The following KCNT2 variants were observed in gnomAD, a reference collection of about 807,000 sequenced individuals.
KCNT2 encodes potassium channel subfamily T member 2.
KCNT2 carries 67 observed loss-of-function variants against 153.8 expected under a neutral mutation model. That is an observed-to-expected ratio of 0.44 (90% CI 0.36 to 0.53). The LOEUF (loss-of-function observed/expected upper bound fraction) is 0.53. KCNT2 is among the 20% of genes least tolerant of loss of function. KCNT2 has a pLI of 0.00. For missense variants in KCNT2, 975 were observed against 1,354.8 expected (o/e 0.72, Z 4.40); for synonymous variants, 500 against 458.8 (o/e 1.09, Z -1.15).
intron 20 of KCNT2, among the ~76,000 whole-genome samples, chr1:196,318,598 T>C (rs892204697): frequency 2.0e-5 from 3 of 151,944 alleles, no homozygotes; most frequent in African/African-American, 7.2e-5. Flanking sequence ...AAAACATGTG[T>C]AGAATTTAAA....
At chr1:196,266,365 G>C (rs1478287784) in intron 25 of KCNT2, among the ~76,000 whole-genome samples, 1 of 152,074 alleles carries the variant, frequency 6.6e-6, no homozygotes. Flanking sequence ...CTCTTATGGA[G>C]GTGATTATCA....
intron 8 of KCNT2, among the ~76,000 whole-genome samples, chr1:196,463,907 T>C (rs1677377331): frequency 6.6e-6 from 1 of 151,782 alleles, no homozygotes; most frequent in African/African-American, 2.4e-5. Context: ...CTAAATGTCA[T>C]CATGTAAAAA....
At chr1:196,274,659 C>A (rs1393988625) in intron 25 of KCNT2, among the ~76,000 whole-genome samples, 3 of 151,802 alleles carry the variant, frequency 2.0e-5, no homozygotes, top group Admixed American at 6.6e-5. Context: ...CCACTATGCA[C>A]ATTTTTGGAA....
chr1:196,589,456 T>C (rs1184554186), intron 1 of KCNT2, among the ~76,000 whole-genome samples: 1 of 152,136 alleles, frequency 6.6e-6, no homozygotes, highest in African/African-American at 2.4e-5. Flanking sequence ...ATAAAATTAT[T>C]TGAATAGTTT....
intron 13 of KCNT2, among the ~76,000 whole-genome samples, chr1:196,380,129 G>A (rs755500358): frequency 7.2e-5 from 11 of 152,180 alleles, no homozygotes; most frequent in African/African-American, 2.7e-4. Context: ...GTGTATGCCT[G>A]TATGTGTGTC....
intron 1 of KCNT2, among the ~76,000 whole-genome samples, chr1:196,598,350 T>A (rs1286967758): frequency 1.3e-5 from 2 of 152,158 alleles, no homozygotes; most frequent in African/African-American, 4.8e-5. Flanking sequence ...TCAATAATAA[T>A]CTATACCCCC....
chr1:196,308,929 A>C (rs530440639), intron 21 of KCNT2, among the ~76,000 whole-genome samples: 3 of 152,150 alleles, frequency 2.0e-5, no homozygotes, highest in Admixed American at 6.6e-5. Context: ...ATAATTATCA[A>C]GTTTTTACTA....
chr1:196,456,814 G>T (rs1301092968), intron 8 of KCNT2, among the ~76,000 whole-genome samples: 3 of 151,910 alleles, frequency 2.0e-5, no homozygotes, highest in Non-Finnish European at 2.9e-5. Context: ...ATCAATAAAT[G>T]ACACAGGCAT....
intron 13 of KCNT2, among the ~76,000 whole-genome samples, chr1:196,385,350 C>CA: frequency 6.6e-6 from 1 of 152,178 alleles, no homozygotes; most frequent in Non-Finnish European, 1.5e-5. Context: ...CAATGGTGAG[C>CA]ATTTGTGTAA....
intron 13 of KCNT2, among the ~76,000 whole-genome samples, chr1:196,395,514 G>T (rs1322713196): frequency 2.0e-5 from 3 of 151,432 alleles, no homozygotes; most frequent in African/African-American, 7.3e-5. Context: ...CTTACTGGTG[G>T]CTTAAAAATT....
chr1:196,413,615 T>C (rs938819381), intron 12 of KCNT2, among the ~76,000 whole-genome samples: 5 of 151,726 alleles, frequency 3.3e-5, no homozygotes, highest in African/African-American at 1.2e-4. Flanking sequence ...ATGTGCTTTA[T>C]TGTTTTAAAA....
intron 1 of KCNT2, among the ~76,000 whole-genome samples, chr1:196,585,014 A>G (rs1167117687): frequency 6.6e-6 from 1 of 152,082 alleles, no homozygotes; most frequent in East Asian, 1.9e-4. Flanking sequence ...AACAAGGACC[A>G]TTCACAGGCA....
intron 13 of KCNT2, among the ~76,000 whole-genome samples, chr1:196,373,827 A>C (rs544787709): frequency 6.6e-6 from 1 of 151,946 alleles, no homozygotes; most frequent in Non-Finnish European, 1.5e-5. Context: ...TTGAAATTAA[A>C]ATTGTACTTT....
chr1:196,231,120 G>A (rs1462936218), intron 27 of KCNT2, among the ~76,000 whole-genome samples: 3 of 151,054 alleles, frequency 2.0e-5, no homozygotes, highest in Non-Finnish European at 3.0e-5. Context: ...ACTCTCTACC[G>A]GCAAAAAAAG....
intron 19 of KCNT2, among the ~76,000 whole-genome samples, chr1:196,324,464 C>T (rs528707733): frequency 1.3e-5 from 2 of 151,982 alleles, no homozygotes; most frequent in Admixed American, 6.6e-5. Context: ...GTTGTAGCCA[C>T]CTCACACAGC....
chr1:196,283,237 C>T (rs1294240787), intron 23 of KCNT2, among the ~76,000 whole-genome samples: 4 of 152,050 alleles, frequency 2.6e-5, no homozygotes, highest in Non-Finnish European at 4.4e-5. Context: ...CCCAGGAGAT[C>T]GAGACCAGCA....
At position 196,526,015 on chromosome 1, in the gene KCNT2, C is replaced by CTGTGTGTG. The variant is rs369541629; in HGVS notation, c.96-33682_96-33675dup. Reference sequence around the variant, plus strand: ...ATAGCACAAATAATGAGAACTGACTCTGTGTGTGTGTGTGTGTGTGTGTGT... The same window carrying CTGTGTGTG: ...ATAGCACAAATAATGAGAACTGACTCTGTGTGTGTGTGTGTGTGTGTGTGTGTGTGTGT... On this transcript the variant is annotated intron_variant, in intron 1 of 27. Coordinates refer to ENST00000294725, the MANE Select transcript of KCNT2 (RefSeq NM_198503.5). 4.0e-3 allele frequency among the ~76,000 whole-genome samples: 555 copies of CTGTGTGTG among 140,134 alleles called. 2 individuals are homozygous for CTGTGTGTG. The highest frequency in any genetic ancestry group is 8.4e-3 in the African/African-American group (321 of 38,170). 91.9% of individuals were successfully genotyped at this position (140,134 alleles called of 152,430 possible). A position where few individuals can be genotyped will look rare whatever the true frequency, so the allele number is the denominator to read the frequency against.
At chr1:196,537,063 C>T (rs894972948) in intron 1 of KCNT2, among the ~76,000 whole-genome samples, 1 of 152,220 alleles carries the variant, frequency 6.6e-6, no homozygotes. Context: ...GATACATGCA[C>T]ATCCAGTTCA....
intron 1 of KCNT2, among the ~76,000 whole-genome samples, chr1:196,586,203 G>A (rs1475292983): frequency 6.6e-6 from 1 of 152,030 alleles, no homozygotes; most frequent in Non-Finnish European, 1.5e-5. Flanking sequence ...GGCACAGATT[G>A]CATTGAGCTG....
Sources: gnomAD v4.1 joint callset for allele counts (sites outside exome capture counted in the v4.1 genomes callset) on GRCh38, gnomAD v4.1.1 for gene constraint, MANE v1.5 for transcripts, NCBI Gene and HGNC (gene_info 2026-07-23, HGNC 2026-07-21) for gene names.